Variants in CUX1 observed in about 807,000 individuals in gnomAD.
CUX1 encodes the protein protein CASP.
Under a neutral mutation model 158.8 loss-of-function variants are expected in CUX1, and 31 were observed. The ratio of observed to expected loss-of-function variants is 0.20; its 90% CI spans 0.15 to 0.26. The LOEUF is 0.26. Among genes scored for constraint, CUX1 ranks in the 10% least tolerant of loss-of-function variants. CUX1 has a pLI of 1.00. For missense variants in CUX1, 1,589 were observed against 2,014.6 expected (o/e 0.79, Z 4.04); for synonymous variants, 879 against 862.1 (o/e 1.02, Z -0.34).
At chr7:102,104,247 A>G in intron 5 of CUX1, 89 bp from the exon 6 acceptor site, 1 of 1,319,622 alleles carries the variant, frequency 7.6e-7, no homozygotes, top group Non-Finnish European at 1.0e-6. Context: ...AAACACACCG[A>G]TCCTACCAGG....
chr7:102,126,229 G>T (rs1282109882), intron 8 of CUX1, among the ~76,000 whole-genome samples: 2 of 144,644 alleles, frequency 1.4e-5, no homozygotes, highest in East Asian at 3.9e-4. Context: ...TGTAGAGACG[G>T]GGTTTTATCA....
intron 8 of CUX1, among the ~76,000 whole-genome samples, chr7:102,122,356 T>C (rs941533672): frequency 2.6e-5 from 4 of 151,978 alleles, no homozygotes; most frequent in African/African-American, 9.7e-5. Context: ...TAGAGAGCAC[T>C]AAATCAGACT....
chr7:102,239,659 G>A lies in CUX1; in HGVS notation c.3887+75G>A, dbSNP rs1198507225. The A allele has an allele frequency of 1.2e-5, 18 of 1,521,700 alleles. No homozygotes were observed. The East Asian group carries it at 2.1e-4, about 17-fold the overall frequency. The allele number at this position is 1,521,700 out of a possible 1,614,324, so 94.3% of individuals were successfully genotyped here. On this transcript the variant is annotated intron_variant, in intron 23 of 23. Transcript: ENST00000292535. The stretch of plus-strand genomic sequence containing the variant: ...TGATCTGTCCGGAGGCCGCCATGGC[G>A]CACAGGGGTGAGGCTGGGGCCGGAG...
chr7:102,093,831 A>G (rs1004933578), intron 4 of CUX1, among the ~76,000 whole-genome samples: 1 of 152,216 alleles, frequency 6.6e-6, no homozygotes, highest in African/African-American at 2.4e-5. Flanking sequence ...CTGGCAGGAA[A>G]GCGTGTTGAA....
chr7:102,191,670 C>T (rs1794289656), intron 12 of CUX1, among the ~76,000 whole-genome samples: 2 of 152,168 alleles, frequency 1.3e-5, no homozygotes, highest in South Asian at 4.1e-4. Context: ...TTTGCCCAGC[C>T]TCACCCTGGG....
At chr7:101,969,574 G>A (rs755140089) in intron 2 of CUX1, among the ~76,000 whole-genome samples, 16 of 152,090 alleles carry the variant, frequency 1.1e-4, no homozygotes, top group South Asian at 2.1e-4. Context: ...CCTTTCCAGC[G>A]TGCAGGTTGA....
At chr7:101,976,141 C>CA (rs925802019) in intron 2 of CUX1, among the ~76,000 whole-genome samples, 4 of 151,840 alleles carry the variant, frequency 2.6e-5, no homozygotes, top group Admixed American at 6.6e-5. Flanking sequence ...CTAAAACAAA[C>CA]AAAAAACCAC....
intron 8 of CUX1, among the ~76,000 whole-genome samples, chr7:102,143,934 C>T (rs367558440): frequency 1.7e-4 from 26 of 152,134 alleles, no homozygotes; most frequent in African/African-American, 5.8e-4. Flanking sequence ...AGGCATGCAC[C>T]ACCCCACCCG....
At chr7:101,840,818 G>C (rs1795125591) in intron 1 of CUX1, among the ~76,000 whole-genome samples, 1 of 152,074 alleles carries the variant, frequency 6.6e-6, no homozygotes, top group Non-Finnish European at 1.5e-5. Context: ...TAGAATGGTG[G>C]CTGGGAGGCA....
At chr7:102,120,867 C>T (rs1281079565) in intron 8 of CUX1, among the ~76,000 whole-genome samples, 1 of 152,044 alleles carries the variant, frequency 6.6e-6, no homozygotes, top group Non-Finnish European at 1.5e-5. Context: ...AGTTTGAGAC[C>T]AGCCTGGGCA....
intron 22 of CUX1, among the ~76,000 whole-genome samples, chr7:102,234,546 G>T (rs1554531938): frequency 6.6e-6 from 1 of 152,152 alleles, no homozygotes; most frequent in African/African-American, 2.4e-5. Flanking sequence ...GTGGGTGGCT[G>T]ATCGGGCTAT....
chr7:101,837,347 C>T (rs1288013929), intron 1 of CUX1, among the ~76,000 whole-genome samples: 2 of 152,136 alleles, frequency 1.3e-5, no homozygotes, highest in Non-Finnish European at 1.5e-5. Context: ...ATGAAATTGG[C>T]GGGTTCCATA....
At chr7:102,187,594 AT>A (rs1793769200) in intron 11 of CUX1, among the ~76,000 whole-genome samples, 1 of 151,746 alleles carries the variant, frequency 6.6e-6, no homozygotes, top group Non-Finnish European at 1.5e-5. Flanking sequence ...TGTCTGCCTT[AT>A]TCCCAGCCGG....
chr7:102,006,646 G>A (rs188975200), intron 2 of CUX1, among the ~76,000 whole-genome samples: 63 of 152,300 alleles, frequency 4.1e-4, no homozygotes, highest in Non-Finnish European at 2.9e-4. Flanking sequence ...GCCTCCCAAA[G>A]TGCTGGGATT....
At chr7:101,830,959 G>A (rs1029478480) in intron 1 of CUX1, among the ~76,000 whole-genome samples, 2 of 152,086 alleles carry the variant, frequency 1.3e-5, no homozygotes. Context: ...GCATCCATTC[G>A]TGTTCTGAGC....
chr7:101,995,758 G>A (rs759159155), intron 2 of CUX1, among the ~76,000 whole-genome samples: 74 of 152,154 alleles, frequency 4.9e-4, no homozygotes, highest in Non-Finnish European at 8.2e-4. Flanking sequence ...TGTGTGTATG[G>A]GGACTTAGCA....
chr7:102,191,393 C>T (rs375222722), intron 12 of CUX1, among the ~76,000 whole-genome samples: 4 of 152,146 alleles, frequency 2.6e-5, no homozygotes, highest in Admixed American at 6.6e-5. Context: ...GCCACCACCC[C>T]GGGCTAATTT....
chr7:101,834,298 C>T (rs1044540402), intron 1 of CUX1, among the ~76,000 whole-genome samples: 5 of 151,234 alleles, frequency 3.3e-5, no homozygotes, highest in South Asian at 4.2e-4. Flanking sequence ...CTCAGCCTCC[C>T]GAGTAGCTGG....
chr7:101,847,896 A>G (rs1264157410), intron 1 of CUX1, among the ~76,000 whole-genome samples: 1 of 151,758 alleles, frequency 6.6e-6, no homozygotes, highest in Non-Finnish European at 1.5e-5. Context: ...GGTGAAACCC[A>G]TCTCTACAAA....
Sources: gnomAD v4.1 joint callset for allele counts (sites outside exome capture counted in the v4.1 genomes callset) on GRCh38, gnomAD v4.1.1 for gene constraint, MANE v1.5 for transcripts, NCBI Gene and HGNC (gene_info 2026-07-23, HGNC 2026-07-21) for gene names.